CDKL4: variants seen among roughly 807,000 people sequenced by gnomAD.
The protein encoded by CDKL4 is cyclin dependent kinase like 4.
In CDKL4, 44 loss-of-function variants were observed where a neutral mutation model predicts 42.0. The observed-to-expected ratio is 1.05, with a 90% confidence interval of 0.82 to 1.35. The LOEUF (loss-of-function observed/expected upper bound fraction) is 1.35. CDKL4 is among the 40% of genes most tolerant of loss of function. The pLI is 0.00. For missense variants in CDKL4, 393 were observed against 369.9 expected (o/e 1.06, Z -0.51); for synonymous variants, 120 against 121.6 (o/e 0.99, Z 0.09).
At chr2:39,168,710 A>G in the CDKL4 span, among the ~76,000 whole-genome samples, 1 of 136,774 alleles carries the variant, frequency 7.3e-6, no homozygotes, top group Non-Finnish European at 1.6e-5. Context: ...AACTCCATCT[A>G]AAAAAAAAAA....
intron 3 of CDKL4, among the ~76,000 whole-genome samples, chr2:39,216,293 A>G (rs1438093541): frequency 6.6e-6 from 1 of 152,162 alleles, no homozygotes; most frequent in Non-Finnish European, 1.5e-5. Context: ...CAAAGAGGGA[A>G]GAGGTGCAGA....
At chr2:39,199,442 A>G (rs1428524108) in intron 5 of CDKL4, among the ~76,000 whole-genome samples, 2 of 152,176 alleles carry the variant, frequency 1.3e-5, no homozygotes, top group Non-Finnish European at 2.9e-5. Flanking sequence ...TCCTATTGAC[A>G]CTATTCCAAA....
intron 1 of CDKL4, among the ~76,000 whole-genome samples, chr2:39,230,001 G>C (rs907669812): frequency 5.3e-5 from 8 of 152,240 alleles, no homozygotes; most frequent in Admixed American, 3.9e-4. Context: ...GAGGAGTTGT[G>C]TAAGAAGACA....
chr2:39,236,915 A>G (rs1558588318), intron 1 of CDKL4, among the ~76,000 whole-genome samples: 3 of 152,218 alleles, frequency 2.0e-5, no homozygotes, highest in Admixed American at 6.5e-5. Context: ...CCACAAGGAA[A>G]GGCCCAGGAT....
At chr2:39,197,909 C>T (rs1303112327) in intron 5 of CDKL4, among the ~76,000 whole-genome samples, 1 of 150,002 alleles carries the variant, frequency 6.7e-6, no homozygotes, top group Non-Finnish European at 1.5e-5. Context: ...TCTCACAGGA[C>T]CTATAAAACA....
At chr2:39,219,487 C>G (rs540829161) in intron 3 of CDKL4, among the ~76,000 whole-genome samples, 3 of 152,114 alleles carry the variant, frequency 2.0e-5, no homozygotes, top group Admixed American at 6.5e-5. Flanking sequence ...ATGGCATGAT[C>G]TTGGCTCACT....
At chr2:39,179,532 G>C (rs555364988) in intron 8 of CDKL4, among the ~76,000 whole-genome samples, 1 of 152,370 alleles carries the variant, frequency 6.6e-6, no homozygotes, top group East Asian at 1.9e-4. Context: ...TGGATGGTCA[G>C]TGTCTCTCTG....
rs111805225 is a variant in CDKL4, at chr2:39,223,516, T to G, written c.290+2323A>C. On this transcript the variant is annotated intron_variant, in intron 3 of 9. Transcript: ENST00000451199. ...GAAATGGTACCTTGCTAAAAAGTTT[T>G]GAATTTCCTTGATTAATAGGGAAGG... Among the ~76,000 whole-genome samples, 524 of 151,554 alleles carry G rather than the reference T, an allele frequency of 3.5e-3. 8 individuals carry two copies. Among genetic ancestry groups the G allele is most frequent in the African/African-American group, 0.012 (505 of 41,248 alleles).
chr2:39,236,305 G>A (rs11124665), intron 1 of CDKL4, among the ~76,000 whole-genome samples: 105,506 of 151,998 alleles, frequency 0.69, 40,962 homozygotes, highest in Non-Finnish European at 0.87. Context: ...CTCAGAGACC[G>A]ATGGAGGCAA....
intron 8 of CDKL4, among the ~76,000 whole-genome samples, 179 bp downstream of exon 8, chr2:39,184,412 C>A (rs950867303): frequency 4.6e-5 from 7 of 152,162 alleles, no homozygotes; most frequent in Admixed American, 4.6e-4. Flanking sequence ...TATGTTAGAA[C>A]AATTACTGCT....
chr2:39,210,119 T>G (rs1677502534), intron 4 of CDKL4, among the ~76,000 whole-genome samples: 1 of 152,116 alleles, frequency 6.6e-6, no homozygotes, highest in Admixed American at 6.6e-5. Context: ...TGCTGAGTAG[T>G]AGCTGGGATT....
intron 7 of CDKL4, among the ~76,000 whole-genome samples, chr2:39,185,495 T>A (rs1675780940): frequency 6.9e-6 from 1 of 145,366 alleles, no homozygotes; most frequent in Non-Finnish European, 1.5e-5. Context: ...ACAGAGTCTC[T>A]GTCGCCCAGG....
chr2:39,209,323 A>AG (rs1335593228), intron 4 of CDKL4, among the ~76,000 whole-genome samples: 2 of 151,104 alleles, frequency 1.3e-5, no homozygotes. Context: ...GGAAGAAAAA[A>AG]AAAAAAAAAG....
chr2:39,192,185 T>C (rs1676225171), intron 5 of CDKL4, among the ~76,000 whole-genome samples: 1 of 152,240 alleles, frequency 6.6e-6, no homozygotes, highest in African/African-American at 2.4e-5. Flanking sequence ...TCAGCTGTTT[T>C]ATTTGTTTGG....
At chr2:39,195,303 T>A (rs1200310545) in intron 5 of CDKL4, among the ~76,000 whole-genome samples, 1 of 152,184 alleles carries the variant, frequency 6.6e-6, no homozygotes, top group Non-Finnish European at 1.5e-5. Context: ...GCTGCCAATT[T>A]TTTTGGGTAT....
At chr2:39,245,325 C>T (rs893688809), upstream of CDKL4, among the ~76,000 whole-genome samples, 2 of 152,142 alleles carry the variant, frequency 1.3e-5, no homozygotes, top group Non-Finnish European at 2.9e-5. Context: ...GTAACACTCA[C>T]CGCAAGGTCT....
At chr2:39,210,125 G>C (rs2148347215) in intron 4 of CDKL4, among the ~76,000 whole-genome samples, 1 of 152,104 alleles carries the variant, frequency 6.6e-6, no homozygotes, top group Middle Eastern at 3.4e-3. Flanking sequence ...GTAGTAGCTG[G>C]GATTACAGGC....
At chr2:39,208,724 G>A (rs1186623895) in intron 4 of CDKL4, among the ~76,000 whole-genome samples, 2 of 130,708 alleles carry the variant, frequency 1.5e-5, no homozygotes, top group South Asian at 4.7e-4. Context: ...TTTTTTTTTG[G>A]CTCACAGGCC....
At chr2:39,196,941 C>T (rs982749803) in intron 5 of CDKL4, among the ~76,000 whole-genome samples, 1 of 152,124 alleles carries the variant, frequency 6.6e-6, no homozygotes, top group African/African-American at 2.4e-5. Flanking sequence ...CAAAAGATCA[C>T]ACTAACTCAC....
Sources: gnomAD v4.1 joint callset for allele counts (sites outside exome capture counted in the v4.1 genomes callset) on GRCh38, gnomAD v4.1.1 for gene constraint, MANE v1.5 for transcripts, NCBI Gene and HGNC (gene_info 2026-07-23, HGNC 2026-07-21) for gene names.